The following ME2 variants were observed in gnomAD, a reference collection of about 807,000 sequenced individuals.
The protein encoded by ME2 is malic enzyme 2, also known as NAD-dependent malic enzyme, mitochondrial.
In ME2, 60 loss-of-function variants were observed where a neutral mutation model predicts 73.7. The observed-to-expected ratio is 0.81, with a 90% CI of 0.66 to 1.01. The LOEUF is 1.01. Ranked by LOEUF, ME2 falls within the 50% of genes least tolerant of loss-of-function variation. ME2 has a pLI of 0.00. For synonymous variants in ME2, 199 were observed against 236.9 expected (o/e 0.84, Z 1.47); for missense variants, 594 against 705.5 (o/e 0.84, Z 1.79).
chr18:50,935,906 TGATA>T (rs1306330692), intron 13 of ME2, among the ~76,000 whole-genome samples: 3 of 151,396 alleles, frequency 2.0e-5, no homozygotes, highest in South Asian at 2.1e-4. Flanking sequence ...TACATTTCAT[TGATA>T]GATCTTTAAT....
chr18:50,925,993 A>G, intron 12 of ME2, 95 bp downstream of exon 12: 1 of 874,704 alleles, frequency 1.1e-6, no homozygotes, highest in Non-Finnish European at 1.8e-6. Flanking sequence ...TGGTTTCCCT[A>G]GAGATTACAG....
chr18:50,902,060 T>G (rs1448178203), intron 2 of ME2, among the ~76,000 whole-genome samples: 1 of 152,240 alleles, frequency 6.6e-6, no homozygotes, highest in Admixed American at 6.6e-5. Context: ...TAATGGACTC[T>G]ATTTAGAATA....
rs1269464423 is a variant in ME2 at position 50,942,885 on chromosome 18, T to A, written c.1587+2499T>A. ...CAAGTAATTTTTTCTTTTTTTAATA[T>A]GCATAGTCCGTTTTTCTCTAACTAT... On this transcript the variant is annotated intron_variant, in intron 15 of 15. Transcript: ENST00000321341. 3.5e-5 allele frequency: 8 copies of A among 228,190 alleles called. No individual in the cohort carries two copies. The East Asian group carries it at 6.9e-4, about 20-fold the overall frequency. The allele number at this position is 228,190 out of a possible 1,614,324, so 14.1% of individuals were successfully genotyped here. A position where few individuals can be genotyped will look rare whatever the true frequency, so the allele number is the denominator to read the frequency against.
At chr18:50,940,562 T>C (rs899916160) in intron 15 of ME2, among the ~76,000 whole-genome samples, 176 bp downstream of exon 15, 1 of 152,260 alleles carries the variant, frequency 6.6e-6, no homozygotes, top group African/African-American at 2.4e-5. Flanking sequence ...TGTTGCCTTC[T>C]AGTCTTTTTT....
chr18:50,926,096 AC>A (rs531478850), intron 12 of ME2, among the ~76,000 whole-genome samples, 198 bp downstream of exon 12: 5 of 152,296 alleles, frequency 3.3e-5, no homozygotes, highest in Admixed American at 3.3e-4. Flanking sequence ...TAATGCCCTC[AC>A]ACTGTTTGCA....
intron 1 of ME2, among the ~76,000 whole-genome samples, chr18:50,883,721 G>A (rs975639457): frequency 4.6e-5 from 7 of 152,076 alleles, no homozygotes; most frequent in Non-Finnish European, 8.8e-5. Flanking sequence ...AAAAGTAAAC[G>A]GGCATGGTGG....
At chr18:50,922,251 C>G (rs1307123581) in intron 10 of ME2, among the ~76,000 whole-genome samples, 1 of 152,196 alleles carries the variant, frequency 6.6e-6, no homozygotes, top group Non-Finnish European at 1.5e-5. Flanking sequence ...TGTTATAAGA[C>G]TTTACATGTA....
chr18:50,882,090 C>T (rs977791793), intron 1 of ME2, among the ~76,000 whole-genome samples: 7 of 152,154 alleles, frequency 4.6e-5, no homozygotes, highest in African/African-American at 1.7e-4. Context: ...CCTCAACCTC[C>T]CATGCTCAAG....
chr18:50,940,599 ACATG>A (rs1917924554), intron 15 of ME2, among the ~76,000 whole-genome samples: 1 of 152,030 alleles, frequency 6.6e-6, no homozygotes, highest in Non-Finnish European at 1.5e-5. Flanking sequence ...ATGCATACAC[ACATG>A]CATGTAGTCA....
At chr18:50,896,038 A>T (rs1916735329) in intron 2 of ME2, 110 bp downstream of exon 2, 2 of 729,972 alleles carry the variant, frequency 2.7e-6, no homozygotes, top group African/African-American at 3.6e-5. Context: ...AAGGTTGTTC[A>T]GAGATAGTTG....
At chr18:50,927,018 G>A (rs1287657186) in intron 12 of ME2, among the ~76,000 whole-genome samples, 3 of 152,092 alleles carry the variant, frequency 2.0e-5, no homozygotes, top group African/African-American at 4.8e-5. Flanking sequence ...CTGGCGCTGT[G>A]GAGAACAAAT....
intron 10 of ME2, among the ~76,000 whole-genome samples, chr18:50,923,676 C>T (rs2511038): frequency 0.07 from 10,706 of 152,016 alleles, 538 homozygotes; most frequent in Admixed American, 0.16. Flanking sequence ...CACCTGAGCC[C>T]GGGGAGGTAG....
intron 1 of ME2, among the ~76,000 whole-genome samples, chr18:50,885,443 A>C (rs1916438378): frequency 6.6e-6 from 1 of 152,164 alleles, no homozygotes; most frequent in African/African-American, 2.4e-5. Flanking sequence ...ACTTGAGCCC[A>C]GGAGTTCAAG....
Position 50,925,748 on chromosome 18 carries a change from T to G in ME2, c.1172-8T>G. 6.2e-7 allele frequency: 1 copy of G among 1,613,282 alleles called. No individual in the cohort carries two copies. The highest frequency in any genetic ancestry group is 8.5e-7 in the Non-Finnish European group (1 of 1,179,518). On this transcript the variant is annotated splice_polypyrimidine_tract_variant and splice_region_variant and intron_variant, in intron 11 of 15. Transcript: ENST00000321341. ...GAAGTTGCTGTTTTTCCCCCTTACT[T>G]ATTACAGGAGTTGCAGGTGCTGGCC...
rs538355579 is a variant in ME2, at chr18:50,947,607, T to C, written c.*423T>C. ...GAAGTACAGAATTTTGAGAAGAAACTAAATTTTCACCAAATTTTAAGGAAA... is the reference window on the plus strand; with the variant it reads ...GAAGTACAGAATTTTGAGAAGAAACCAAATTTTCACCAAATTTTAAGGAAA... On this transcript the variant is annotated 3_prime_UTR_variant, in exon 16 of 16. Transcript: ENST00000321341. 6.5e-6 allele frequency: 1 copy of C among 153,392 alleles called. No homozygotes were observed. The highest frequency in any genetic ancestry group is 1.9e-4 in the East Asian group (1 of 5,216). The allele number at this position is 153,392 out of a possible 1,614,324, so 9.5% of individuals were successfully genotyped here.
intron 14 of ME2, 101 bp downstream of exon 14, chr18:50,939,741 T>C: frequency 1.4e-6 from 1 of 738,724 alleles, no homozygotes; most frequent in Non-Finnish European, 2.2e-6. Context: ...ATCTGCCTTA[T>C]TAATGAAAAG....
rs59409558 is a variant in ME2, at chr18:50,921,092, A to G, written c.961A>G (p.Asn321Asp). ...GAGEAALGIA[N>D]LIVMSMVENG... ...TGAACAGGCTGCTCTTGGAATTGCA[A>G]ATCTTATAGTTATGTCTATGGTAGA... Residue 321 changes from asparagine (N) to aspartate (D), a missense_variant, in exon 10 of 16, where the codon AAT becomes GAT. Coordinates refer to ENST00000321341, the MANE Select transcript of ME2 (RefSeq NM_002396.5). 6.3e-7 allele frequency: 1 copy of G among 1,575,768 alleles called. No homozygotes were observed. The highest frequency in any genetic ancestry group is 8.6e-7 in the Non-Finnish European group (1 of 1,163,792).
intron 15 of ME2, among the ~76,000 whole-genome samples, chr18:50,944,109 G>C (rs1031135502): frequency 2.8e-4 from 42 of 152,268 alleles, no homozygotes; most frequent in African/African-American, 7.5e-4. Flanking sequence ...ACCTACTCAG[G>C]AGGCTGGGGT....
intron 3 of ME2, among the ~76,000 whole-genome samples, chr18:50,909,786 A>T (rs1375569396): frequency 2.6e-5 from 4 of 152,172 alleles, no homozygotes; most frequent in African/African-American, 9.7e-5. Flanking sequence ...AGAAAATTTA[A>T]TGTTTCATCG....
Sources: gnomAD v4.1 joint callset for allele counts (sites outside exome capture counted in the v4.1 genomes callset) on GRCh38, gnomAD v4.1.1 for gene constraint, MANE v1.5 for transcripts, NCBI Gene and HGNC (gene_info 2026-07-23, HGNC 2026-07-21) for gene names.